Variants in DTWD2 observed in about 807,000 individuals in gnomAD.
DTWD2 encodes DTW motif tRNA-uridine aminocarboxypropyltransferase 2, also known as tRNA-uridine aminocarboxypropyltransferase 2.
In DTWD2, 39 loss-of-function variants were observed where a neutral mutation model predicts 31.8. The observed-to-expected ratio is 1.22, with a 90% CI of 0.95 to 1.60. The LOEUF (loss-of-function observed/expected upper bound fraction) is 1.60, where lower values mean the gene tolerates loss of function less well. Ranked by LOEUF, DTWD2 falls within the 40% of genes most tolerant of loss-of-function variation. The pLI, the probability that DTWD2 is intolerant of heterozygous loss-of-function variation, is 0.00. For synonymous variants in DTWD2, 180 were observed against 142.8 expected (o/e 1.26, Z -1.86); for missense variants, 515 against 381.5 (o/e 1.35, Z -2.92).
intron 4 of DTWD2, among the ~76,000 whole-genome samples, chr5:118,927,345 T>C (rs1359303968): frequency 1.3e-5 from 2 of 151,694 alleles, no homozygotes; most frequent in Non-Finnish European, 2.9e-5. Context: ...TAGAAGAAAA[T>C]AAGCCCAAAA....
intron 4 of DTWD2, among the ~76,000 whole-genome samples, chr5:118,882,475 G>A (rs781351074): frequency 6.6e-6 from 1 of 152,228 alleles, no homozygotes; most frequent in Non-Finnish European, 1.5e-5. Context: ...CTCCACTGGG[G>A]ACTCTGTGTG....
intron 3 of DTWD2, 99 bp downstream of exon 3, chr5:118,939,097 T>A: frequency 8.3e-7 from 1 of 1,205,310 alleles, no homozygotes. Flanking sequence ...TTTCCACTCT[T>A]TAGACCATGA....
intron 4 of DTWD2, among the ~76,000 whole-genome samples, chr5:118,869,558 T>G (rs1014399262): frequency 6.6e-6 from 1 of 152,070 alleles, no homozygotes; most frequent in Non-Finnish European, 1.5e-5. Flanking sequence ...CAAGAGCTGC[T>G]CTCTTTATAA....
At chr5:118,985,897 A>G (rs1346927728) in intron 1 of DTWD2, among the ~76,000 whole-genome samples, 1 of 152,176 alleles carries the variant, frequency 6.6e-6, no homozygotes, top group African/African-American at 2.4e-5. Flanking sequence ...ACTGCCCTAC[A>G]TCATAGGATT....
intron 4 of DTWD2, among the ~76,000 whole-genome samples, chr5:118,917,762 A>T (rs1376317600): frequency 6.6e-6 from 1 of 152,160 alleles, no homozygotes; most frequent in Non-Finnish European, 1.5e-5. Context: ...ACTTGAGGTC[A>T]AGAGTTCGAG....
intron 4 of DTWD2, among the ~76,000 whole-genome samples, chr5:118,866,291 GA>G (rs1752379646): frequency 2.0e-5 from 3 of 152,142 alleles, no homozygotes; most frequent in South Asian, 4.2e-4. Flanking sequence ...AAAATTTTAT[GA>G]TTCTTTAAAA....
chr5:118,865,757 A>G (rs904637853), intron 4 of DTWD2, among the ~76,000 whole-genome samples: 1 of 152,328 alleles, frequency 6.6e-6, no homozygotes, highest in Non-Finnish European at 1.5e-5. Context: ...GATTCACAAT[A>G]AACACTCCAA....
intron 4 of DTWD2, among the ~76,000 whole-genome samples, chr5:118,856,337 G>A (rs1392749384): frequency 6.6e-6 from 1 of 152,130 alleles, no homozygotes; most frequent in Admixed American, 6.5e-5. Context: ...TAGCTGCAGT[G>A]TATTTATTTT....
intron 4 of DTWD2, among the ~76,000 whole-genome samples, chr5:118,855,485 A>T (rs60664847): frequency 0.069 from 10,420 of 151,926 alleles, 1,167 homozygotes; most frequent in African/African-American, 0.23. Flanking sequence ...AATACTGCAT[A>T]TAAATGGATA....
chr5:118,905,106 A>T, intron 4 of DTWD2, among the ~76,000 whole-genome samples: 1 of 152,140 alleles, frequency 6.6e-6, no homozygotes, highest in Non-Finnish European at 1.5e-5. Context: ...ATGTGTGGAT[A>T]TGTGTCTGTG....
At chr5:118,924,443 G>A (rs1287103190) in intron 4 of DTWD2, among the ~76,000 whole-genome samples, 6 of 152,088 alleles carry the variant, frequency 3.9e-5, no homozygotes, top group African/African-American at 1.2e-4. Context: ...AGTTTGAGTC[G>A]AAATTCTGTC....
chr5:118,969,206 A>T (rs1420578854), intron 1 of DTWD2, among the ~76,000 whole-genome samples: 1 of 151,900 alleles, frequency 6.6e-6, no homozygotes, highest in Non-Finnish European at 1.5e-5. Context: ...GCGGGGGGGA[A>T]GCGGTGACTG....
chr5:118,882,666 T>C (rs189528952), intron 4 of DTWD2, among the ~76,000 whole-genome samples: 5 of 152,184 alleles, frequency 3.3e-5, no homozygotes, highest in African/African-American at 1.2e-4. Flanking sequence ...CACATGGAAA[T>C]TGCCAAAGCT....
chr5:118,874,616 T>C (rs1752581118), intron 4 of DTWD2, among the ~76,000 whole-genome samples: 2 of 152,030 alleles, frequency 1.3e-5, no homozygotes, highest in South Asian at 2.1e-4. Flanking sequence ...ATCTCAGAGC[T>C]TGAAGACTGG....
chr5:118,924,917 T>G (rs894641842), intron 4 of DTWD2, among the ~76,000 whole-genome samples: 7 of 152,152 alleles, frequency 4.6e-5, no homozygotes, highest in African/African-American at 1.7e-4. Flanking sequence ...CTCATGGGAT[T>G]TGGGGAAAGA....
Position 118,988,301 on chromosome 5 carries a change from G to C in DTWD2, c.211C>G (p.Arg71Gly). 2.0e-6 allele frequency: 3 copies of C among 1,523,778 alleles called. No homozygotes were observed. The highest frequency in any genetic ancestry group is 2.6e-6 in the Non-Finnish European group (3 of 1,139,988). 94.4% of individuals were successfully genotyped at this position (1,523,778 alleles called of 1,614,324 possible). A position where few individuals can be genotyped will look rare whatever the true frequency, so the allele number is the denominator to read the frequency against. ...EPAERRPECT[R>G]CSRPQKVCLC... The stretch of plus-strand genomic sequence containing the variant: ...CCCCAGCCCCGCGGTCACCTGCAGC[G>C]GGTGCACTCAGGCCTCCGCTCGGCC... The change falls in exon 1 of 6, where the codon CGC (arginine) becomes GGC (glycine). Residue 71 changes from arginine to glycine, a missense_variant. Transcript: ENST00000510708.
chr5:118,903,360 G>A (rs931212354), intron 4 of DTWD2, among the ~76,000 whole-genome samples: 2 of 151,890 alleles, frequency 1.3e-5, no homozygotes, highest in Non-Finnish European at 1.5e-5. Context: ...AGAGACAAAT[G>A]GAGAAGGTAC....
intron 4 of DTWD2, among the ~76,000 whole-genome samples, chr5:118,866,681 G>A (rs1247506877): frequency 6.6e-6 from 1 of 152,112 alleles, no homozygotes; most frequent in Non-Finnish European, 1.5e-5. Flanking sequence ...CACTTTGGGA[G>A]CCCAAGAAGG....
chr5:118,971,992 AGCACTAAAT>A (rs1754997885), intron 1 of DTWD2, among the ~76,000 whole-genome samples: 1 of 152,244 alleles, frequency 6.6e-6, no homozygotes, highest in African/African-American at 2.4e-5. Flanking sequence ...GAAAATACAT[AGCACTAAAT>A]GCCCACATCA....
Sources: allele counts gnomAD v4.1 joint callset (sites outside exome capture counted in the v4.1 genomes callset), GRCh38; gene constraint gnomAD v4.1.1; transcripts MANE v1.5; gene names NCBI Gene and HGNC (gene_info 2026-07-23, HGNC 2026-07-21).